PDE3A: variants seen among roughly 807,000 people sequenced by gnomAD.
PDE3A encodes phosphodiesterase 3A.
In PDE3A, 43 loss-of-function variants were observed where a neutral mutation model predicts 98.3. The observed-to-expected ratio is 0.44, with a 90% CI of 0.34 to 0.56. PDE3A has a LOEUF of 0.56. Among genes scored for constraint, PDE3A ranks in the 20% least tolerant of loss-of-function variants. The pLI is 0.01. For synonymous variants in PDE3A, 663 were observed against 567.9 expected (o/e 1.17, Z -2.38); for missense variants, 1,427 against 1,440.7 (o/e 0.99, Z 0.15).
intron 1 of PDE3A, among the ~76,000 whole-genome samples, chr12:20,451,436 G>A (rs959527004): frequency 2.0e-5 from 3 of 152,074 alleles, no homozygotes; most frequent in African/African-American, 7.2e-5. Context: ...ACCACACCCA[G>A]CTAATGTTTG....
At chr12:20,571,329 A>T (rs1942797871) in intron 2 of PDE3A, among the ~76,000 whole-genome samples, 1 of 152,192 alleles carries the variant, frequency 6.6e-6, no homozygotes, top group African/African-American at 2.4e-5. Context: ...GAGGATTGAT[A>T]CAGGTCTCTC....
intron 6 of PDE3A, among the ~76,000 whole-genome samples, chr12:20,631,741 T>C (rs1323784986): frequency 6.7e-6 from 1 of 148,722 alleles, no homozygotes; most frequent in Non-Finnish European, 1.5e-5. Flanking sequence ...AAGAATGTAA[T>C]GGGATTTGTA....
chr12:20,491,806 C>T (rs893753395), intron 1 of PDE3A, among the ~76,000 whole-genome samples: 5 of 152,048 alleles, frequency 3.3e-5, no homozygotes, highest in African/African-American at 7.2e-5. Flanking sequence ...GTTACTCTAC[C>T]GGTATAATCG....
chr12:20,644,423 A>T lies in PDE3A; in HGVS notation c.2252-2067A>T, dbSNP rs572928163. Among the ~76,000 whole-genome samples the T allele has an allele frequency of 1.2e-4, 19 of 152,282 alleles. No homozygotes were observed. In the South Asian group the frequency reaches 1.7e-3, roughly 13 times the overall value. On this transcript the variant is annotated intron_variant, in intron 10 of 15. Transcript: ENST00000359062. ...ATTGTACCATGAATTTGGCAATATT[A>T]TTCCCGTATTTTTAAGATAAATAAG...
chr12:20,654,264 T>C, intron 15 of PDE3A, 59 bp downstream of exon 15: 1 of 1,506,898 alleles, frequency 6.6e-7, no homozygotes, highest in Admixed American at 1.7e-5. Context: ...TTACTTTAGA[T>C]GAATTTTATG....
At chr12:20,398,081 C>T (rs1364789815) in intron 1 of PDE3A, among the ~76,000 whole-genome samples, 2 of 150,070 alleles carry the variant, frequency 1.3e-5, no homozygotes, top group African/African-American at 4.9e-5. Flanking sequence ...TGGCAATCAC[C>T]ATCTGATTCA....
chr12:20,515,952 T>C (rs1456005136), intron 1 of PDE3A, among the ~76,000 whole-genome samples: 2 of 150,570 alleles, frequency 1.3e-5, no homozygotes, highest in South Asian at 4.2e-4. Context: ...CGGGATGGTC[T>C]CGATCTCCTG....
Position 20,369,947 on chromosome 12 carries a change from C to T in PDE3A, c.663C>T (p.Val221=), listed in dbSNP as rs781428167. The change falls in exon 1 of 16, where the codon GTC becomes GTT. Residue 221 remains valine, a synonymous_variant. Transcript: ENST00000359062. ...GVLMIALTSA[V]RTVSLISLER... ...TCATGATCGCCTTGACTAGCGCGGT[C>T]AGGACCGTGTCCCTCATTTCCTTAG... 1.2e-6 allele frequency: 2 copies of T among 1,613,494 alleles called. No individual in the cohort carries two copies. Among genetic ancestry groups the T allele is most frequent in the Admixed American group, 1.7e-5 (1 of 60,034 alleles).
chr12:20,385,057 T>A (rs2120564241), intron 1 of PDE3A, among the ~76,000 whole-genome samples: 1 of 152,196 alleles, frequency 6.6e-6, no homozygotes, highest in East Asian at 1.9e-4. Context: ...AGTAATGGGA[T>A]TGCTGAGTAA....
At chr12:20,521,571 T>C (rs1592014561) in intron 1 of PDE3A, among the ~76,000 whole-genome samples, 2 of 152,330 alleles carry the variant, frequency 1.3e-5, no homozygotes, top group South Asian at 2.1e-4. Flanking sequence ...TTTTATACGA[T>C]GCTTTGTAGT....
At chr12:20,619,671 G>A (rs1205921725) in intron 4 of PDE3A, among the ~76,000 whole-genome samples, 1 of 152,030 alleles carries the variant, frequency 6.6e-6, no homozygotes, top group East Asian at 1.9e-4. Context: ...AAATACCTAG[G>A]ATGTGCTTTC....
At chr12:20,589,005 C>T (rs1289617426) in intron 2 of PDE3A, among the ~76,000 whole-genome samples, 3 of 152,202 alleles carry the variant, frequency 2.0e-5, no homozygotes. Flanking sequence ...TCCCTGCAAG[C>T]TCCGCCTCCT....
At chr12:20,523,832 T>C (rs925247734) in intron 1 of PDE3A, among the ~76,000 whole-genome samples, 2 of 152,252 alleles carry the variant, frequency 1.3e-5, no homozygotes, top group Non-Finnish European at 2.9e-5. Context: ...ATTCACTTCG[T>C]AGAAAAGTTC....
chr12:20,426,584 C>T (rs979826874), intron 1 of PDE3A, among the ~76,000 whole-genome samples: 1 of 152,046 alleles, frequency 6.6e-6, no homozygotes, highest in East Asian at 1.9e-4. Context: ...GGAAGTGGGA[C>T]TGTATAGTGT....
chr12:20,519,415 G>T (rs774795471), intron 1 of PDE3A, among the ~76,000 whole-genome samples: 4 of 152,076 alleles, frequency 2.6e-5, no homozygotes, highest in Non-Finnish European at 5.9e-5. Flanking sequence ...ACAAATCTTT[G>T]TTAAGTAAGG....
intron 14 of PDE3A, among the ~76,000 whole-genome samples, chr12:20,650,864 G>A (rs1944899853): frequency 6.6e-6 from 1 of 152,078 alleles, no homozygotes; most frequent in Non-Finnish European, 1.5e-5. Flanking sequence ...CAGATGTTAG[G>A]AAGATCCTTG....
At chr12:20,526,142 TC>T (rs1946513298) in intron 1 of PDE3A, among the ~76,000 whole-genome samples, 1 of 152,208 alleles carries the variant, frequency 6.6e-6, no homozygotes, top group Non-Finnish European at 1.5e-5. Flanking sequence ...GACATGGACA[TC>T]ACACTTGAGG....
intron 1 of PDE3A, among the ~76,000 whole-genome samples, chr12:20,550,151 G>A (rs906460454): frequency 7.2e-5 from 11 of 152,142 alleles, no homozygotes; most frequent in African/African-American, 2.6e-4. Context: ...ATATATTGTG[G>A]ATTATAACTT....
chr12:20,631,701 T>C (rs1335848841), intron 6 of PDE3A, among the ~76,000 whole-genome samples: 1 of 780 alleles, frequency 1.3e-3, no homozygotes, highest in Non-Finnish European at 0.011. Context: ...TCATAGTGTA[T>C]TTTTTTTTTT....
Sources: gnomAD v4.1 joint callset for allele counts (sites outside exome capture counted in the v4.1 genomes callset) on GRCh38, gnomAD v4.1.1 for gene constraint, MANE v1.5 for transcripts, NCBI Gene and HGNC (gene_info 2026-07-23, HGNC 2026-07-21) for gene names.